The following LINS1 variants were observed in gnomAD, a reference collection of about 807,000 sequenced individuals.
LINS1 encodes lines homolog 1.
A neutral mutation model predicts 41.6 loss-of-function variants in LINS1; 27 were observed. That is an observed-to-expected ratio of 0.65 (90% CI 0.48 to 0.89). The LOEUF is 0.89. Among genes scored for constraint, LINS1 ranks in the 40% least tolerant of loss-of-function variants. LINS1 has a pLI of 0.00. For missense variants in LINS1, 955 were observed against 884.1 expected (o/e 1.08, Z -1.02); for synonymous variants, 336 against 312.9 (o/e 1.07, Z -0.78).
rs377649970 is a variant in LINS1 at position 100,590,950 on chromosome 15, G to A, written c.-103-10005C>T. Among the ~76,000 whole-genome samples the A allele has an allele frequency of 1.3e-4, 20 of 152,224 alleles. No individual in the cohort carries two copies. In the East Asian group the frequency reaches 1.4e-3, roughly 10 times the overall value. On this transcript the variant is annotated intron_variant, in intron 1 of 6. Coordinates refer to ENST00000314742, the MANE Select transcript of LINS1 (RefSeq NM_001040616.3). ...TCCCAGCACTTTGGGAGGCCGAGGCGGGCAGATCACCTGAGGACAGGAGTT... is the reference window on the plus strand; with the variant it reads ...TCCCAGCACTTTGGGAGGCCGAGGCAGGCAGATCACCTGAGGACAGGAGTT...
intron 6 of LINS1, 129 bp downstream of exon 6, chr15:100,571,765 G>A: frequency 9.0e-7 from 1 of 1,114,396 alleles, no homozygotes. Context: ...CAGGGTTAAA[G>A]AAAGGAACTG....
chr15:100,584,505 GAA>G (rs201270405), intron 1 of LINS1, among the ~76,000 whole-genome samples: 2,360 of 151,942 alleles, frequency 0.016, 35 homozygotes, highest in Non-Finnish European at 0.022. Context: ...GTGATTGTGA[GAA>G]ATTAGACTGA....
Position 100,580,506 on chromosome 15 carries a change from T to G in LINS1, c.337A>C (p.Lys113Gln). 1 of 1,614,082 alleles carries G rather than the reference T, an allele frequency of 6.2e-7. No homozygotes were observed. Among genetic ancestry groups the G allele is most frequent in the Non-Finnish European group, 8.5e-7 (1 of 1,179,950 alleles). Residue 113 changes from lysine to glutamine, a missense_variant, in exon 2 of 7, where the codon AAG (lysine) becomes CAG (glutamine). Transcript: ENST00000314742. ...ILSVKTEFHA[K>Q]EQYRDVIKIL... ...TTAATTACATCTCTGTACTGCTCCT[T>G]TGCATGGAACTCGGTTTTGACAGAC...
At chr15:100,592,600 A>T (rs549059502) in intron 1 of LINS1, among the ~76,000 whole-genome samples, 1 of 152,256 alleles carries the variant, frequency 6.6e-6, no homozygotes, top group African/African-American at 2.4e-5. Context: ...AAATAACAAA[A>T]CACTGCCTTT....
At chr15:100,587,961 C>T (rs1294383128) in intron 1 of LINS1, among the ~76,000 whole-genome samples, 3 of 152,210 alleles carry the variant, frequency 2.0e-5, no homozygotes, top group Non-Finnish European at 2.9e-5. Flanking sequence ...GCCCAGAAAT[C>T]TGGCATGCCG....
intron 1 of LINS1, among the ~76,000 whole-genome samples, chr15:100,599,528 C>A (rs2039383740): frequency 6.6e-6 from 1 of 152,168 alleles, no homozygotes; most frequent in Admixed American, 6.5e-5. Flanking sequence ...TGTTTCTAGG[C>A]TCTTCACCAA....
At chr15:100,582,100 T>A (rs2038572009) in intron 1 of LINS1, among the ~76,000 whole-genome samples, 1 of 152,252 alleles carries the variant, frequency 6.6e-6, no homozygotes, top group Non-Finnish European at 1.5e-5. Flanking sequence ...GTCTTCCATC[T>A]ACAATATGGC....
chr15:100,590,189 A>G (rs1264658835), intron 1 of LINS1, among the ~76,000 whole-genome samples: 1 of 152,182 alleles, frequency 6.6e-6, no homozygotes, highest in African/African-American at 2.4e-5. Flanking sequence ...TACTATTATG[A>G]GAGTCTTATC....
rs1361744468 is a variant in LINS1 at position 100,575,040 on chromosome 15, G to C, written c.578C>G (p.Thr193Ser). ...ESNKAIYCLW[T>S]LTAIIKEIFK... is the part of the protein sequence containing the mutation. ...GATTTCTTTTATTATTGCTGTAAGA[G>C]TCCAGAGGCAGTATATTGCTTTATT... Residue 193 changes from threonine (T) to serine (S), a missense_variant, in exon 4 of 7, where the codon ACT becomes AGT. Transcript: ENST00000314742. The C allele has an allele frequency of 1.2e-6, 2 of 1,612,896 alleles. No homozygotes were observed. Among genetic ancestry groups the C allele is most frequent in the Non-Finnish European group, 1.7e-6 (2 of 1,179,478 alleles).
chr15:100,579,217 G>A (rs1352237701), intron 3 of LINS1, among the ~76,000 whole-genome samples: 1 of 151,316 alleles, frequency 6.6e-6, no homozygotes, highest in East Asian at 1.9e-4. Flanking sequence ...AAATAAAAAT[G>A]AGCCAGTGAT....
At chr15:100,586,677 T>C (rs1319294806) in intron 1 of LINS1, among the ~76,000 whole-genome samples, 1 of 152,212 alleles carries the variant, frequency 6.6e-6, no homozygotes, top group Non-Finnish European at 1.5e-5. Flanking sequence ...ATCTAAAAGT[T>C]AGTTCAGATA....
intron 1 of LINS1, among the ~76,000 whole-genome samples, chr15:100,582,125 T>A (rs139486583): frequency 0.012 from 1,876 of 152,296 alleles, 52 homozygotes; most frequent in African/African-American, 0.043. Flanking sequence ...AGCCTAGTCT[T>A]GGTCTTACAC....
chr15:100,586,669 C>T (rs1402844382), intron 1 of LINS1, among the ~76,000 whole-genome samples: 1 of 152,016 alleles, frequency 6.6e-6, no homozygotes, highest in Non-Finnish European at 1.5e-5. Flanking sequence ...CAGAAGTTAT[C>T]TAAAAGTTAG....
chr15:100,581,325 C>T (rs1017970479), intron 1 of LINS1, among the ~76,000 whole-genome samples: 3 of 152,212 alleles, frequency 2.0e-5, no homozygotes, highest in Admixed American at 2.0e-4. Flanking sequence ...CTACCTTCTA[C>T]ATGCCCAAAG....
rs1408754193 is a variant in LINS1 at position 100,567,522 on chromosome 15, T to A, written c.*1716A>T. 2 of 152,228 alleles carry A rather than the reference T, an allele frequency of 1.3e-5. No homozygotes were observed. Among genetic ancestry groups the A allele is most frequent in the Non-Finnish European group, 2.9e-5 (2 of 68,034 alleles). 9.4% of individuals were successfully genotyped at this position (152,228 alleles called of 1,614,324 possible). A position where few individuals can be genotyped will look rare whatever the true frequency, so the allele number is the denominator to read the frequency against. Reference sequence around the variant, plus strand: ...CGCCCTGCTTCTTTCCCTAAATAATTGCAAGCCCCATGTATTTACTTGTTT... The same window carrying A: ...CGCCCTGCTTCTTTCCCTAAATAATAGCAAGCCCCATGTATTTACTTGTTT... On this transcript the variant is annotated 3_prime_UTR_variant, in exon 7 of 7. Coordinates refer to ENST00000314742, the MANE Select transcript of LINS1 (RefSeq NM_001040616.3).
intron 3 of LINS1, among the ~76,000 whole-genome samples, chr15:100,575,663 A>C (rs1352636665): frequency 6.6e-6 from 1 of 152,232 alleles, no homozygotes; most frequent in East Asian, 1.9e-4. Flanking sequence ...TCAGCTCTGC[A>C]CCAAGCAGAC....
chr15:100,596,622 A>G (rs1360066481), intron 1 of LINS1, among the ~76,000 whole-genome samples: 1 of 152,238 alleles, frequency 6.6e-6, no homozygotes, highest in Non-Finnish European at 1.5e-5. Flanking sequence ...CCCTTTTAAT[A>G]AAAAGCAGCC....
rs1006883434 is a variant in LINS1, at chr15:100,573,315, A to T, written c.1222+336T>A. ...TGGTCACGCACCTGCAGTTTAGATT[A>T]AAAAAAAAAAAAGGATTAATATAAA... is the stretch of plus-strand genomic sequence containing the variant. On this transcript the variant is annotated intron_variant, in intron 5 of 6. Coordinates refer to ENST00000314742, the MANE Select transcript of LINS1 (RefSeq NM_001040616.3). 3.5e-4 allele frequency: 51 copies of T among 145,484 alleles called. 1 individual carries two copies. Among genetic ancestry groups the T allele is most frequent in the Middle Eastern group, 7.6e-3 (2 of 262 alleles). 9.0% of individuals were successfully genotyped at this position (145,484 alleles called of 1,614,324 possible). A position where few individuals can be genotyped will look rare whatever the true frequency, so the allele number is the denominator to read the frequency against.
rs1381470635 is a variant in LINS1 at position 100,593,564 on chromosome 15, G to GC, written c.-104+8556_-104+8557insG. Among the ~76,000 whole-genome samples, 52 of 148,776 alleles carry GC rather than the reference G, an allele frequency of 3.5e-4. 1 individual carries two copies. The East Asian group carries it at 0.011, about 30-fold the overall frequency. Reference sequence around the variant, plus strand: ...AAGTGAGTTTTACAACTTTATGGGGGGGGGGGGTGCTTAATTATCATACCC... The same window carrying GC: ...AAGTGAGTTTTACAACTTTATGGGGGCGGGGGGGTGCTTAATTATCATACCC... On this transcript the variant is annotated intron_variant, in intron 1 of 6. Transcript: ENST00000314742.
Sources: allele counts gnomAD v4.1 joint callset (sites outside exome capture counted in the v4.1 genomes callset), GRCh38; gene constraint gnomAD v4.1.1; transcripts MANE v1.5; gene names NCBI Gene and HGNC (gene_info 2026-07-23, HGNC 2026-07-21).